Variants in ZBTB7C observed in about 807,000 individuals in gnomAD.
The protein encoded by ZBTB7C is zinc finger and BTB domain-containing protein 7C.
Under a neutral mutation model 25.7 loss-of-function variants are expected in ZBTB7C, and 8 were observed. The ratio of observed to expected loss-of-function variants is 0.31; its 90% CI spans 0.18 to 0.56. The LOEUF is 0.56. Ranked by LOEUF, ZBTB7C falls within the 20% of genes least tolerant of loss-of-function variation. ZBTB7C has a pLI of 0.91. For synonymous variants in ZBTB7C, 394 were observed against 369.0 expected, an observed-to-expected ratio of 1.07 and a Z score of -0.78; for missense variants, 824 against 855.2, an observed-to-expected ratio of 0.96 and a Z score of 0.46.
intron 3 of ZBTB7C, among the ~76,000 whole-genome samples, chr18:48,171,247 C>T (rs1050341725): frequency 2.0e-5 from 3 of 152,204 alleles, no homozygotes; most frequent in Admixed American, 6.5e-5. Flanking sequence ...GCTTCTTCCC[C>T]GAGCTGGCTG....
chr18:48,170,656 A>G (rs1485316132), intron 3 of ZBTB7C, among the ~76,000 whole-genome samples: 1 of 152,182 alleles, frequency 6.6e-6, no homozygotes, highest in African/African-American at 2.4e-5. Context: ...AAAAAGAGCC[A>G]TTGACACCTT....
chr18:48,172,623 G>A (rs1461869046), intron 3 of ZBTB7C, among the ~76,000 whole-genome samples: 1 of 152,232 alleles, frequency 6.6e-6, no homozygotes, highest in African/African-American at 2.4e-5. Flanking sequence ...CGTGACCCAC[G>A]GGGCCACAGG....
chr18:48,260,491 T>C (rs1440066918), intron 2 of ZBTB7C, among the ~76,000 whole-genome samples: 1 of 152,164 alleles, frequency 6.6e-6, no homozygotes. Flanking sequence ...CCATGTGCAA[T>C]TTACTGTAAT....
At chr18:48,050,436 C>T (rs553340760) in intron 3 of ZBTB7C, among the ~76,000 whole-genome samples, 17 of 152,298 alleles carry the variant, frequency 1.1e-4, no homozygotes, top group East Asian at 7.7e-4. Flanking sequence ...TGGGTAAAGC[C>T]GGCCCCACCT....
intron 2 of ZBTB7C, among the ~76,000 whole-genome samples, chr18:48,280,848 CTTTTTTTTTTT>C (rs55760047): frequency 1.3e-5 from 1 of 79,890 alleles, no homozygotes; most frequent in Non-Finnish European, 2.5e-5. Context: ...TTTTCTCTCT[CTTTTTTTTTTT>C]TTTTTTTTTT....
chr18:48,093,708 C>T (rs1432275030), intron 3 of ZBTB7C, among the ~76,000 whole-genome samples: 2 of 152,132 alleles, frequency 1.3e-5, no homozygotes. Flanking sequence ...TCAGAAAAGT[C>T]TTCACTAGGA....
At chr18:48,129,390 A>G (rs926617780) in intron 3 of ZBTB7C, among the ~76,000 whole-genome samples, 1 of 151,934 alleles carries the variant, frequency 6.6e-6, no homozygotes, top group Non-Finnish European at 1.5e-5. Context: ...ATGCCCAGAA[A>G]ACTACCCCAA....
intron 2 of ZBTB7C, chr18:48,252,805 G>C (rs755445278): frequency 1.3e-5 from 2 of 152,244 alleles, no homozygotes; most frequent in African/African-American, 2.4e-5. Context: ...CCAGAATGCT[G>C]AAAGTGGGAG....
At chr18:48,073,445 C>T (rs1179860662) in intron 3 of ZBTB7C, among the ~76,000 whole-genome samples, 1 of 152,026 alleles carries the variant, frequency 6.6e-6, no homozygotes, top group Non-Finnish European at 1.5e-5. Flanking sequence ...CAGGGGTGGC[C>T]GTCTTTATTT....
At chr18:48,145,799 G>A (rs1366123392) in intron 3 of ZBTB7C, among the ~76,000 whole-genome samples, 1 of 152,072 alleles carries the variant, frequency 6.6e-6, no homozygotes, top group Non-Finnish European at 1.5e-5. Flanking sequence ...TTCTACCTCT[G>A]GATAGCATTA....
At chr18:48,348,570 A>T (rs531743231) in intron 1 of ZBTB7C, among the ~76,000 whole-genome samples, 1 of 152,196 alleles carries the variant, frequency 6.6e-6, no homozygotes, top group East Asian at 1.9e-4. Context: ...TAATCCCAGC[A>T]CTTTGGGAGG....
chr18:48,410,674 C>G (rs1196716911), upstream of ZBTB7C: 3 of 152,640 alleles, frequency 2.0e-5, no homozygotes, highest in Admixed American at 2.0e-4. Flanking sequence ...GGCTTTGCCT[C>G]CTACCTTTTT....
rs1456754878 is a variant in ZBTB7C, at chr18:48,028,697, G to A, written c.*563C>T. 6.5e-6 allele frequency: 1 copy of A among 154,444 alleles called. No individual in the cohort carries two copies. 9.6% of individuals were successfully genotyped at this position (154,444 alleles called of 1,614,324 possible). A position where few individuals can be genotyped will look rare whatever the true frequency, so the allele number is the denominator to read the frequency against. ...GAAGAAATGGCCCGGGCCTTCCAGA[G>A]CCTGGTTCCTGACTGGTTCCAGGAG... On this transcript the variant is annotated 3_prime_UTR_variant, in exon 5 of 5. Coordinates refer to ENST00000590800, the MANE Select transcript of ZBTB7C (RefSeq NM_001318841.2).
intron 3 of ZBTB7C, among the ~76,000 whole-genome samples, chr18:48,074,601 T>C (rs936467107): frequency 1.3e-5 from 2 of 152,184 alleles, no homozygotes; most frequent in African/African-American, 2.4e-5. Context: ...ACCTTTCTTG[T>C]ATGGAGAGGA....
At chr18:48,347,064 T>G (rs2046748533) in intron 1 of ZBTB7C, among the ~76,000 whole-genome samples, 1 of 151,510 alleles carries the variant, frequency 6.6e-6, no homozygotes, top group East Asian at 1.9e-4. Context: ...ATTACAGGCA[T>G]GAGCCACCAC....
intron 2 of ZBTB7C, among the ~76,000 whole-genome samples, chr18:48,239,802 A>G (rs1027168534): frequency 2.0e-5 from 3 of 152,152 alleles, no homozygotes; most frequent in Non-Finnish European, 4.4e-5. Flanking sequence ...ATGACAAAAC[A>G]AGGTAGTTTA....
chr18:48,129,561 AGG>A (rs2144765169), intron 3 of ZBTB7C, among the ~76,000 whole-genome samples: 1 of 152,232 alleles, frequency 6.6e-6, no homozygotes, highest in South Asian at 2.1e-4. Context: ...TGAAACTTCA[AGG>A]TTTTTCCTTC....
intron 3 of ZBTB7C, among the ~76,000 whole-genome samples, chr18:48,094,514 A>C (rs761007578): frequency 2.6e-5 from 4 of 152,192 alleles, no homozygotes; most frequent in South Asian, 2.1e-4. Flanking sequence ...TTCATCCTGT[A>C]GGTTTTCAGG....
chr18:48,402,961 G>C (rs2048195333), intron 1 of ZBTB7C, among the ~76,000 whole-genome samples: 1 of 152,170 alleles, frequency 6.6e-6, no homozygotes, highest in Non-Finnish European at 1.5e-5. Context: ...CAGTTCAGTG[G>C]GGTTTGGAAA....
Sources: gnomAD v4.1 joint callset for allele counts (sites outside exome capture counted in the v4.1 genomes callset) on GRCh38, gnomAD v4.1.1 for gene constraint, MANE v1.5 for transcripts, NCBI Gene and HGNC (gene_info 2026-07-23, HGNC 2026-07-21) for gene names.